Variants in NECTIN1 observed in about 807,000 individuals in gnomAD.
NECTIN1 encodes nectin-1.
NECTIN1 carries 23 observed loss-of-function variants against 48.0 expected under a neutral mutation model. That is an observed-to-expected ratio of 0.48 (90% CI 0.34 to 0.68). The LOEUF is 0.68. NECTIN1 is among the 30% of genes least tolerant of loss of function. The pLI, the probability that NECTIN1 is intolerant of heterozygous loss-of-function variation, is 0.01. For synonymous variants in NECTIN1, 270 were observed against 288.9 expected, an observed-to-expected ratio of 0.93 and a Z score of 0.66; for missense variants, 591 against 709.9, an observed-to-expected ratio of 0.83 and a Z score of 1.90.
At chr11:119,717,757 G>A (rs891797601) in intron 1 of NECTIN1, among the ~76,000 whole-genome samples, 1 of 152,180 alleles carries the variant, frequency 6.6e-6, no homozygotes, top group Non-Finnish European at 1.5e-5. Context: ...TTGGGAGCCC[G>A]GCAGGCACCT....
At chr11:119,666,035 G>T (rs1187455835) in intron 5 of NECTIN1, among the ~76,000 whole-genome samples, 1 of 152,230 alleles carries the variant, frequency 6.6e-6, no homozygotes, top group African/African-American at 2.4e-5. Flanking sequence ...TGTGGTCTGG[G>T]CCTGCAGGGC....
At chr11:119,659,972 G>C (rs575537465), downstream of NECTIN1, among the ~76,000 whole-genome samples, 5 of 152,300 alleles carry the variant, frequency 3.3e-5, no homozygotes, top group African/African-American at 1.2e-4. Context: ...GCCCCTTCTA[G>C]GATGCTGGGT....
At position 119,664,030 on chromosome 11, in the gene NECTIN1, G is replaced by T; in HGVS notation, c.*717C>A. 1.0e-6 allele frequency: 1 copy of T among 985,960 alleles called. No homozygotes were observed. Among genetic ancestry groups the T allele is most frequent in the South Asian group, 4.7e-5 (1 of 21,292 alleles). The allele number at this position is 985,960 out of a possible 1,614,324, so 61.1% of individuals were successfully genotyped here. A position where few individuals can be genotyped will look rare whatever the true frequency, so the allele number is the denominator to read the frequency against. ...CCACCTGGAGCCCCTAATGGAGGGG[G>T]CACATTGGGGATAAAGAGGGGACGC... On this transcript the variant is annotated 3_prime_UTR_variant, in exon 6 of 6. Coordinates refer to ENST00000264025, the MANE Select transcript of NECTIN1 (RefSeq NM_002855.5).
At chr11:119,650,258 A>C (rs976206499) in intron 5 of NECTIN1, among the ~76,000 whole-genome samples, 1 of 152,298 alleles carries the variant, frequency 6.6e-6, no homozygotes, top group Non-Finnish European at 1.5e-5. Context: ...GTGTACGTGC[A>C]GGTCACAGGG....
intron 1 of NECTIN1, among the ~76,000 whole-genome samples, chr11:119,700,871 A>G (rs755718307): frequency 6.6e-6 from 1 of 152,208 alleles, no homozygotes; most frequent in African/African-American, 2.4e-5. Context: ...AAACAAATCC[A>G]GGCTCTTGCC....
chr11:119,721,004 A>G (rs563212907), intron 1 of NECTIN1, among the ~76,000 whole-genome samples: 1 of 152,268 alleles, frequency 6.6e-6, no homozygotes, highest in East Asian at 1.9e-4. Flanking sequence ...CCAACTCCCT[A>G]CATTTGCTTT....
chr11:119,638,760 G>T (rs1399844125), exon 7 of NECTIN1: 3 of 1,614,044 alleles, frequency 1.9e-6, no homozygotes, highest in African/African-American at 2.7e-5. Flanking sequence ...AGGGAGCTTT[G>T]CCTGCTGGGA....
rs12222517 is a variant in NECTIN1 at position 119,673,156 on chromosome 11, C to T, written c.1003+2003G>A. Reference sequence around the variant, plus strand: ...CCCAGAGAATGTGGCAGGCACGGGCCGACGTGGAATGGAGGGTGGTGAGGT... The same window carrying T: ...CCCAGAGAATGTGGCAGGCACGGGCTGACGTGGAATGGAGGGTGGTGAGGT... On this transcript the variant is annotated intron_variant, in intron 5 of 5. Transcript: ENST00000264025. This position sits in a 1 kb window ranked among gnomAD's most constrained non-coding sequence, Gnocchi z 5.8. Among the ~76,000 whole-genome samples the T allele has an allele frequency of 3.8e-3, 580 of 152,316 alleles. 6 individuals are homozygous for T. In the East Asian group the frequency reaches 0.048, roughly 13 times the overall value.
At chr11:119,655,002 T>C (rs573334364) in intron 5 of NECTIN1, among the ~76,000 whole-genome samples, 28 of 152,030 alleles carry the variant, frequency 1.8e-4, no homozygotes, top group Non-Finnish European at 3.4e-4. Flanking sequence ...CTCTGCCTCC[T>C]GGGATCTAGC....
chr11:119,670,827 C>T lies in NECTIN1; in HGVS notation c.1003+4332G>A, dbSNP rs143840191. ...ACACCCGGCTAATATTTTGTAGAGA[C>T]GGGGTTTCACAACGTTGGCCAGGCT... On this transcript the variant is annotated intron_variant, in intron 5 of 5. Transcript: ENST00000264025. Among the ~76,000 whole-genome samples, 244 of 151,758 alleles carry T rather than the reference C, an allele frequency of 1.6e-3. 1 individual carries two copies. The highest frequency in any genetic ancestry group is 6.8e-3 in the Middle Eastern group (2 of 294).
chr11:119,722,348 G>A (rs1299070530), intron 1 of NECTIN1, among the ~76,000 whole-genome samples: 1 of 152,264 alleles, frequency 6.6e-6, no homozygotes, highest in Non-Finnish European at 1.5e-5. Context: ...CCAGTGAGAA[G>A]GAGGTGACCC....
chr11:119,707,185 G>A (rs568129113), intron 1 of NECTIN1, among the ~76,000 whole-genome samples: 30 of 152,166 alleles, frequency 2.0e-4, no homozygotes, highest in Admixed American at 3.3e-4. Flanking sequence ...CACCACCCTC[G>A]CCTTGTCCTA....
chr11:119,666,114 G>A (rs1445608401), intron 5 of NECTIN1, among the ~76,000 whole-genome samples: 1 of 152,230 alleles, frequency 6.6e-6, no homozygotes, highest in East Asian at 1.9e-4. Flanking sequence ...CAGGGCACAA[G>A]CACAGGGCAA....
intron 1 of NECTIN1, among the ~76,000 whole-genome samples, chr11:119,722,410 A>T (rs1865846279): frequency 6.6e-6 from 1 of 152,224 alleles, no homozygotes; most frequent in African/African-American, 2.4e-5. Context: ...GGGTGAGTGG[A>T]GTCCTGGAGG....
chr11:119,677,369 C>G lies in NECTIN1; in HGVS notation c.734-150G>C. ...GGGTGGGAGGGTGGCAATCACAGAG[C>G]CCGGGAGTGGAAACAGGAGGGCGAC... On this transcript the variant is annotated intron_variant, in intron 3 of 5. Transcript: ENST00000264025. This position sits in a 1 kb window ranked among gnomAD's most constrained non-coding sequence, Gnocchi z 5.4. 9.8e-7 allele frequency: 1 copy of G among 1,021,746 alleles called. No individual in the cohort carries two copies. Among genetic ancestry groups the G allele is most frequent in the South Asian group, 1.3e-5 (1 of 76,774 alleles). The allele number at this position is 1,021,746 out of a possible 1,614,324, so 63.3% of individuals were successfully genotyped here.
intron 1 of NECTIN1, among the ~76,000 whole-genome samples, chr11:119,712,580 CA>C (rs138024431): frequency 1.3e-5 from 2 of 150,614 alleles, no homozygotes; most frequent in Admixed American, 6.6e-5. Flanking sequence ...TCAAAATCTT[CA>C]AAAAAAAAGG....
In NECTIN1 at chr11:119,639,256, G is replaced by A. The variant is rs1010237963; in HGVS notation, c.1152-450C>T. On this transcript the variant is annotated intron_variant, in intron 6 of 7. Coordinates refer to the NECTIN1 transcript ENST00000341398. ...CGTAAAAATCCGTGATGAACAAAACGTCCACATTGTAAGTAAAGACAGGAT... is the reference window on the plus strand; with the variant it reads ...CGTAAAAATCCGTGATGAACAAAACATCCACATTGTAAGTAAAGACAGGAT... Among the ~76,000 whole-genome samples the A allele has an allele frequency of 3.3e-5, 5 of 152,222 alleles. No individual in the cohort carries two copies. In the East Asian group the frequency reaches 5.8e-4, roughly 18 times the overall value.
At chr11:119,720,032 G>A (rs1443028561) in intron 1 of NECTIN1, among the ~76,000 whole-genome samples, 2 of 152,220 alleles carry the variant, frequency 1.3e-5, no homozygotes, top group Non-Finnish European at 2.9e-5. Context: ...TGGTGTGCGG[G>A]GGAGGGCAGT....
chr11:119,716,055 G>A (rs2134339848), intron 1 of NECTIN1, among the ~76,000 whole-genome samples: 1 of 152,324 alleles, frequency 6.6e-6, no homozygotes, highest in East Asian at 1.9e-4. Context: ...GGGCGCTTGG[G>A]GCAGCCAGAA....
Sources: allele counts gnomAD v4.1 joint callset (sites outside exome capture counted in the v4.1 genomes callset), GRCh38; gene constraint gnomAD v4.1.1; non-coding constraint Gnocchi (gnomAD v3.1); transcripts MANE v1.5; gene names NCBI Gene and HGNC (gene_info 2026-07-23, HGNC 2026-07-21).